Variants in CTCF observed in about 807,000 individuals in gnomAD.
The protein encoded by CTCF is CCCTC-binding factor.
CTCF carries 7 observed loss-of-function variants against 72.3 expected under a neutral mutation model. The ratio of observed to expected loss-of-function variants is 0.10; its 90% confidence interval spans 0.06 to 0.18. CTCF has a LOEUF of 0.18. Among genes scored for constraint, CTCF ranks in the 10% least tolerant of loss-of-function variants. The pLI is 1.00. For missense variants in CTCF, 516 were observed against 949.1 expected (o/e 0.54, Z 6.00); for synonymous variants, 374 against 315.8 (o/e 1.18, Z -1.95).
At chr16:67,630,718 G>A (rs970049607) in intron 10 of CTCF, among the ~76,000 whole-genome samples, 3 of 152,082 alleles carry the variant, frequency 2.0e-5, no homozygotes, top group Non-Finnish European at 4.4e-5. Context: ...TCACGCCACT[G>A]CCTTCCAGTC....
chr16:67,604,964 A>ATTTTTTTTT (rs34873720), intron 2 of CTCF, among the ~76,000 whole-genome samples: 1 of 73,776 alleles, frequency 1.4e-5, no homozygotes, highest in African/African-American at 6.3e-5. Context: ...TATAAATGGG[A>ATTTTTTTTT]TTTTTTTTTT....
At chr16:67,582,582 A>G (rs908133285) in intron 2 of CTCF, among the ~76,000 whole-genome samples, 6 of 151,862 alleles carry the variant, frequency 4.0e-5, no homozygotes, top group African/African-American at 1.5e-4. Flanking sequence ...AATCCCAGCT[A>G]CTTGGGAGGC....
intron 2 of CTCF, among the ~76,000 whole-genome samples, chr16:67,591,875 A>T (rs1292788015): frequency 6.7e-6 from 1 of 149,970 alleles, no homozygotes; most frequent in Non-Finnish European, 1.5e-5. Flanking sequence ...TACCTAGCTA[A>T]TTTTTTTTTT....
intron 2 of CTCF, among the ~76,000 whole-genome samples, chr16:67,592,205 A>G (rs1282373896): frequency 6.6e-6 from 1 of 152,062 alleles, no homozygotes; most frequent in Non-Finnish European, 1.5e-5. Context: ...TGAGGTCAGG[A>G]GTTTGAGACC....
intron 2 of CTCF, among the ~76,000 whole-genome samples, chr16:67,582,210 CA>C (rs60181073): frequency 0.07 from 6,674 of 95,954 alleles, 423 homozygotes; most frequent in African/African-American, 0.2. Context: ...GACTCCGTCT[CA>C]AAAAAAAAAA....
chr16:67,582,028 C>T (rs2051590027), intron 2 of CTCF, among the ~76,000 whole-genome samples: 1 of 151,526 alleles, frequency 6.6e-6, no homozygotes, highest in Admixed American at 6.6e-5. Context: ...TGGAGACCAT[C>T]CTGGCTAATA....
At chr16:67,628,981 G>A (rs935138192) in intron 9 of CTCF, among the ~76,000 whole-genome samples, 1 of 152,012 alleles carries the variant, frequency 6.6e-6, no homozygotes, top group African/African-American at 2.4e-5. Flanking sequence ...GTACCCGGGA[G>A]GCAGAGCTTG....
intron 7 of CTCF, 29 bp downstream of exon 7, chr16:67,621,620 A>G: frequency 6.5e-7 from 1 of 1,537,716 alleles, no homozygotes. Flanking sequence ...GAGAAGTGAA[A>G]AAAATATTTT....
chr16:67,621,703 A>G (rs1597721380), intron 7 of CTCF, 112 bp downstream of exon 7: 2 of 648,960 alleles, frequency 3.1e-6, no homozygotes, highest in South Asian at 5.0e-5. Flanking sequence ...TTTTATGTAT[A>G]GGAATGGCCT....
At chr16:67,587,714 A>G (rs1410702435) in intron 2 of CTCF, among the ~76,000 whole-genome samples, 1 of 152,102 alleles carries the variant, frequency 6.6e-6, no homozygotes, top group African/African-American at 2.4e-5. Flanking sequence ...GCTTGAGCCC[A>G]GGAGTTCAGG....
chr16:67,590,043 C>T lies in CTCF; in HGVS notation c.-10+18779C>T, dbSNP rs140929692. ...CGGCCGTTGCAGTGAGCCAAGATGG[C>T]GCCATTGCACTCCAGACTGGTCAAC... is the stretch of plus-strand genomic sequence containing the variant. On this transcript the variant is annotated intron_variant, in intron 2 of 11. Transcript: ENST00000264010. Among the ~76,000 whole-genome samples the T allele has an allele frequency of 1.5e-3, 225 of 151,826 alleles. 1 individual carries two copies. The highest frequency in any genetic ancestry group is 5.2e-3 in the African/African-American group (214 of 41,416).
intron 7 of CTCF, 26 bp from the exon 8 acceptor site, chr16:67,626,529 C>T: frequency 7.1e-7 from 1 of 1,398,728 alleles, no homozygotes; most frequent in Non-Finnish European, 9.4e-7. Flanking sequence ...TTTCACATTA[C>T]CCTGGGCTTT....
chr16:67,635,943 A>C (rs1362654662), intron 10 of CTCF, among the ~76,000 whole-genome samples: 1 of 151,674 alleles, frequency 6.6e-6, no homozygotes, highest in East Asian at 2.0e-4. Context: ...GATTTTTCTT[A>C]ATAATTGGCT....
At chr16:67,582,791 C>CTTT (rs954787709) in intron 2 of CTCF, among the ~76,000 whole-genome samples, 11 of 151,556 alleles carry the variant, frequency 7.3e-5, no homozygotes, top group Admixed American at 5.9e-4. Flanking sequence ...TTAATCAAAC[C>CTTT]TTTTTTGGTC....
At chr16:67,606,798 C>T (rs1381417042) in intron 2 of CTCF, among the ~76,000 whole-genome samples, 12 of 126,280 alleles carry the variant, frequency 9.5e-5, no homozygotes, top group African/African-American at 1.5e-4. Flanking sequence ...TCACTCTTAT[C>T]GCCCAGGCTC....
At chr16:67,583,270 A>C (rs1220573713) in intron 2 of CTCF, among the ~76,000 whole-genome samples, 2 of 152,010 alleles carry the variant, frequency 1.3e-5, no homozygotes, top group Non-Finnish European at 2.9e-5. Flanking sequence ...TACAGGCATG[A>C]GCCATGGCGC....
rs896503967 is a variant in CTCF, at chr16:67,621,294, A to G, written c.1208-148A>G. The G allele has an allele frequency of 5.0e-6, 3 of 598,580 alleles. No individual in the cohort carries two copies. The African/African-American group carries it at 5.5e-5, about 11-fold the overall frequency. The allele number at this position is 598,580 out of a possible 1,614,324, so 37.1% of individuals were successfully genotyped here. ...GACTTGGCCATATCTGAAGATAGAC[A>G]AGATCCGGGAACTGGGACTGAGCCT... On this transcript the variant is annotated intron_variant, in intron 6 of 11. Coordinates refer to ENST00000264010, the MANE Select transcript of CTCF (RefSeq NM_006565.4).
intron 2 of CTCF, among the ~76,000 whole-genome samples, chr16:67,585,194 C>T (rs1163492312): frequency 6.6e-6 from 1 of 152,128 alleles, no homozygotes. Flanking sequence ...GGACTACAGG[C>T]ATGCACCATC....
At chr16:67,629,047 G>A (rs1316186103) in intron 9 of CTCF, among the ~76,000 whole-genome samples, 8 of 148,746 alleles carry the variant, frequency 5.4e-5, no homozygotes, top group East Asian at 3.9e-4. Context: ...GCAAGACTCC[G>A]TCTCAAAAAA....
Sources: gnomAD v4.1 joint callset for allele counts (sites outside exome capture counted in the v4.1 genomes callset) on GRCh38, gnomAD v4.1.1 for gene constraint, MANE v1.5 for transcripts, NCBI Gene and HGNC (gene_info 2026-07-23, HGNC 2026-07-21) for gene names.